ITSN2: variants seen among roughly 807,000 people sequenced by gnomAD.
ITSN2 encodes the protein intersectin-2.
In ITSN2, 156 loss-of-function variants were observed where a neutral mutation model predicts 243.7. The ratio of observed to expected loss-of-function variants is 0.64; its 90% CI spans 0.56 to 0.73. ITSN2 has a LOEUF of 0.73. Among genes scored for constraint, ITSN2 ranks in the 30% least tolerant of loss-of-function variants. The pLI, the probability that ITSN2 is intolerant of heterozygous loss-of-function variation, is 0.00. For missense variants in ITSN2, 1,801 were observed against 1,996.1 expected (o/e 0.90, Z 1.86); for synonymous variants, 703 against 699.9 (o/e 1.00, Z -0.07).
intron 2 of ITSN2, among the ~76,000 whole-genome samples, chr2:24,317,872 G>C (rs537908881): frequency 1.3e-5 from 2 of 151,136 alleles, no homozygotes; most frequent in African/African-American, 4.8e-5. Context: ...ACTCCTGGCA[G>C]ACTGACTATA....
intron 16 of ITSN2, among the ~76,000 whole-genome samples, chr2:24,285,906 G>A (rs979254741): frequency 2.0e-5 from 3 of 152,104 alleles, no homozygotes; most frequent in East Asian, 1.9e-4. Context: ...CTAGGATAAC[G>A]CTGGCTGAGA....
At chr2:24,274,481 G>A (rs1677775941) in intron 18 of ITSN2, among the ~76,000 whole-genome samples, 1 of 152,144 alleles carries the variant, frequency 6.6e-6, no homozygotes, top group Non-Finnish European at 1.5e-5. Context: ...AGCTTAGGCA[G>A]GAGGATTGCT....
At chr2:24,308,516 T>G (rs1435852933) in intron 8 of ITSN2, 101 bp downstream of exon 8, 1 of 724,992 alleles carries the variant, frequency 1.4e-6, no homozygotes, top group Non-Finnish European at 2.0e-6. Context: ...GATGTTAAAA[T>G]GTCAGATGAG....
chr2:24,360,551 G>C (rs1688871961), upstream of ITSN2: 2 of 152,284 alleles, frequency 1.3e-5, no homozygotes, highest in Non-Finnish European at 2.9e-5. Context: ...GAAGCCGGGG[G>C]GCGGGGAGGT....
chr2:24,214,695 C>T (rs1187756447), intron 32 of ITSN2, among the ~76,000 whole-genome samples: 1 of 152,080 alleles, frequency 6.6e-6, no homozygotes, highest in Non-Finnish European at 1.5e-5. Flanking sequence ...TTCAATATAA[C>T]AGTTCTTGGA....
intron 30 of ITSN2, chr2:24,220,381 A>C: frequency 1.0e-6 from 1 of 984,562 alleles, no homozygotes; most frequent in Non-Finnish European, 1.2e-6. Flanking sequence ...GTGCTACTCG[A>C]ATAAGGATAG....
chr2:24,337,315 A>AATATATATATATATACATACATAT (rs70944741), intron 1 of ITSN2, among the ~76,000 whole-genome samples: 5 of 32,026 alleles, frequency 1.6e-4, no homozygotes, highest in Non-Finnish European at 2.3e-4. Flanking sequence ...GTATACACAA[A>AATATATATATATATACATACATAT]ATATATATAT....
intron 15 of ITSN2, among the ~76,000 whole-genome samples, chr2:24,291,902 C>T (rs1403209672): frequency 6.6e-6 from 1 of 152,106 alleles, no homozygotes; most frequent in East Asian, 1.9e-4. Flanking sequence ...GACAAAGAAA[C>T]AACATGGTAG....
At chr2:24,344,968 A>G (rs556231986) in intron 1 of ITSN2, among the ~76,000 whole-genome samples, 11 of 152,332 alleles carry the variant, frequency 7.2e-5, no homozygotes, top group African/African-American at 2.4e-4. Context: ...ATAAATAAAA[A>G]GTAAAAATAA....
intron 7 of ITSN2, among the ~76,000 whole-genome samples, chr2:24,309,605 G>A (rs867614717): frequency 2.0e-5 from 3 of 152,116 alleles, no homozygotes; most frequent in Non-Finnish European, 2.9e-5. Flanking sequence ...TGAGACTACC[G>A]CATATAAAGA....
chr2:24,334,273 G>A (rs142675047), intron 1 of ITSN2, among the ~76,000 whole-genome samples: 1,909 of 152,160 alleles, frequency 0.013, 47 homozygotes, highest in African/African-American at 0.044. Flanking sequence ...TGGCCAGGCT[G>A]GTTTTGAACT....
intron 38 of ITSN2, 98 bp downstream of exon 38, chr2:24,205,116 C>T: frequency 1.0e-6 from 1 of 977,538 alleles, no homozygotes; most frequent in Non-Finnish European, 1.6e-6. Flanking sequence ...CACTGCACTC[C>T]AGCCTAGGTT....
chr2:24,210,910 G>C lies in ITSN2; in HGVS notation c.4127C>G (p.Ser1376Cys). ...CCGCTCGAGGGCCAGCTTTAGGGAG[G>C]AATGGTCTGCATGGCTCTCCGGGGT... Reference protein sequence around the residue: ...ENTPESHADHSSLKLALERAE... With the variant: ...ENTPESHADHCSLKLALERAE... Residue 1376 changes from serine (S) to cysteine (C), a missense_variant, in exon 34 of 40, where the codon TCC (serine) becomes TGC (cysteine). By Grantham distance (112) the Ser-to-Cys change is moderately radical. Around this residue, in one of 5 missense-constraint regions of ITSN2, gnomAD observed 928 missense variants for 1,065.4 expected, o/e 0.87. Transcript: ENST00000355123. 1 of 1,614,218 alleles carries C rather than the reference G, an allele frequency of 6.2e-7. No individual in the cohort carries two copies.
chr2:24,210,127 TGGA>T (rs1669321898), intron 34 of ITSN2, 94 bp from the exon 35 acceptor site: 1 of 834,296 alleles, frequency 1.2e-6, no homozygotes, highest in Admixed American at 2.3e-5. Context: ...GATACTGTGG[TGGA>T]GTTTTCTAGG....
At chr2:24,310,881 C>G (rs115698469) in intron 5 of ITSN2, among the ~76,000 whole-genome samples, 189 bp from the exon 6 acceptor site, 406 of 152,298 alleles carry the variant, frequency 2.7e-3, no homozygotes, top group African/African-American at 9.2e-3. Flanking sequence ...TACTAATACT[C>G]TGATCTGTAT....
At chr2:24,264,874 T>G (rs1676463325) in intron 20 of ITSN2, among the ~76,000 whole-genome samples, 3 of 138,250 alleles carry the variant, frequency 2.2e-5, no homozygotes, top group African/African-American at 5.4e-5. Context: ...TGTTCCCTTT[T>G]CAAAGTTGTT....
intron 29 of ITSN2, 32 bp downstream of exon 29, chr2:24,246,097 A>G (rs1275099769): frequency 1.4e-6 from 2 of 1,472,174 alleles, no homozygotes; most frequent in Non-Finnish European, 1.9e-6. Flanking sequence ...GTTTCACACT[A>G]GGTGAGAGAA....
At chr2:24,357,762 T>C (rs1688584170) in intron 1 of ITSN2, among the ~76,000 whole-genome samples, 1 of 152,194 alleles carries the variant, frequency 6.6e-6, no homozygotes, top group Admixed American at 6.5e-5. Flanking sequence ...TTTTTGGTAA[T>C]GTAACTCGTT....
intron 16 of ITSN2, among the ~76,000 whole-genome samples, chr2:24,285,254 C>T (rs1007541412): frequency 6.6e-6 from 1 of 152,108 alleles, no homozygotes; most frequent in African/African-American, 2.4e-5. Context: ...GTCTAACCAG[C>T]AATGACAAAT....
Sources: gnomAD v4.1 joint callset for allele counts (sites outside exome capture counted in the v4.1 genomes callset) on GRCh38, gnomAD v4.1.1 for gene constraint, gnomAD v4.1.1 regional missense constraint, MANE v1.5 for transcripts, NCBI Gene and HGNC (gene_info 2026-07-23, HGNC 2026-07-21) for gene names.